THSD7A: variants seen among roughly 807,000 people sequenced by gnomAD.
The protein encoded by THSD7A is thrombospondin type-1 domain-containing protein 7A.
THSD7A carries 96 observed loss-of-function variants against 231.3 expected under a neutral mutation model. The ratio of observed to expected loss-of-function variants is 0.41; its 90% CI spans 0.35 to 0.49. The LOEUF is 0.49. Ranked by LOEUF, THSD7A falls within the 20% of genes least tolerant of loss-of-function variation. The probability of loss-of-function intolerance (pLI) is 0.05; values close to 1 mark genes in which losing one functional copy is unlikely to be tolerated. For synonymous variants in THSD7A, 940 were observed against 743.3 expected (o/e 1.26, Z -4.30); for missense variants, 2,290 against 2,070.2 (o/e 1.11, Z -2.06).
At chr7:11,511,352 T>C (rs1787800845) in intron 6 of THSD7A, among the ~76,000 whole-genome samples, 1 of 152,230 alleles carries the variant, frequency 6.6e-6, no homozygotes, top group Non-Finnish European at 1.5e-5. Context: ...AAAATGGCCA[T>C]ATTGCCCAAA....
chr7:11,584,587 T>C (rs967520770), intron 4 of THSD7A, among the ~76,000 whole-genome samples: 1 of 152,120 alleles, frequency 6.6e-6, no homozygotes, highest in Non-Finnish European at 1.5e-5. Context: ...TAAAGTTAAG[T>C]AATGTGCCTA....
chr7:11,378,645 T>A (rs147865943), intron 26 of THSD7A: 6 of 184,324 alleles, frequency 3.3e-5, no homozygotes, highest in Non-Finnish European at 5.7e-5. Context: ...ACTGCATTAG[T>A]GATGTTTTTA....
At chr7:11,739,662 C>A (rs62433409) in intron 1 of THSD7A, among the ~76,000 whole-genome samples, 8,298 of 151,834 alleles carry the variant, frequency 0.055, 328 homozygotes, top group South Asian at 0.15. Flanking sequence ...AAGCAATCCT[C>A]TCACCCTGGC....
intron 9 of THSD7A, among the ~76,000 whole-genome samples, chr7:11,464,285 G>T (rs1336893029): frequency 6.6e-6 from 1 of 151,860 alleles, no homozygotes; most frequent in Non-Finnish European, 1.5e-5. Flanking sequence ...ATGGGTTTTT[G>T]TTTCCCAGTT....
At chr7:11,720,593 G>A (rs1438879944) in intron 1 of THSD7A, among the ~76,000 whole-genome samples, 2 of 151,728 alleles carry the variant, frequency 1.3e-5, no homozygotes, top group Non-Finnish European at 2.9e-5. Flanking sequence ...ATTCCTTGCA[G>A]TTTAACTCTT....
intron 4 of THSD7A, among the ~76,000 whole-genome samples, chr7:11,559,357 A>G (rs4368872): frequency 0.48 from 72,471 of 151,626 alleles, 17,697 homozygotes; most frequent in Admixed American, 0.6. Flanking sequence ...GTTATAAATA[A>G]TTGCAAGATA....
At chr7:11,534,498 C>T (rs995454810) in intron 6 of THSD7A, among the ~76,000 whole-genome samples, 2 of 152,126 alleles carry the variant, frequency 1.3e-5, no homozygotes, top group South Asian at 4.1e-4. Flanking sequence ...GCACCAATGC[C>T]AGATATGTGA....
intron 2 of THSD7A, among the ~76,000 whole-genome samples, chr7:11,602,739 C>G (rs1385597779): frequency 1.3e-5 from 2 of 151,530 alleles, no homozygotes; most frequent in Admixed American, 6.6e-5. Context: ...GGTGATAATG[C>G]CATTGAAACA....
Position 11,681,829 on chromosome 7 carries a change from GA to G in THSD7A, c.191-44869del, listed in dbSNP as rs1010378714. 8.1e-3 allele frequency among the ~76,000 whole-genome samples: 1,173 copies of G among 145,522 alleles called. 23 individuals carry two copies. Among genetic ancestry groups the G allele is most frequent in the African/African-American group, 0.028 (1,103 of 39,860 alleles). The stretch of plus-strand genomic sequence containing the variant: ...GTGAGCAGAATTTCCAATTTCAAAT[GA>G]AAAAAAAAACCTGAAAGGCAGCTAG... On this transcript the variant is annotated intron_variant, in intron 1 of 27. Coordinates refer to ENST00000423059, the MANE Select transcript of THSD7A (RefSeq NM_015204.3).
chr7:11,539,789 C>A (rs1021186480), intron 6 of THSD7A, among the ~76,000 whole-genome samples: 20 of 152,308 alleles, frequency 1.3e-4, no homozygotes, highest in African/African-American at 4.8e-4. Flanking sequence ...CATTGCATAA[C>A]ACTGAGGCAG....
At chr7:11,800,661 C>A (rs2128181234) in intron 1 of THSD7A, among the ~76,000 whole-genome samples, 1 of 152,248 alleles carries the variant, frequency 6.6e-6, no homozygotes, top group East Asian at 1.9e-4. Context: ...TCCATTTATA[C>A]AAGGTATCTA....
chr7:11,770,747 G>A (rs1209704060), intron 1 of THSD7A, among the ~76,000 whole-genome samples: 1 of 152,042 alleles, frequency 6.6e-6, no homozygotes, highest in East Asian at 1.9e-4. Context: ...TAATGCTAAA[G>A]TAAGGTCAAT....
In THSD7A at chr7:11,622,199, T is replaced by G. The variant is rs117104732; in HGVS notation, c.1022+13931A>C. ...ACCTAAAAATGGTGTTTATTTTAAT[T>G]TTCCAAATTGTACATACATCACATA... On this transcript the variant is annotated intron_variant, in intron 2 of 27. Transcript: ENST00000423059. 9.9e-3 allele frequency among the ~76,000 whole-genome samples: 1,510 copies of G among 152,232 alleles called. 14 individuals are homozygous for G. The highest frequency in any genetic ancestry group is 0.016 in the Non-Finnish European group (1,083 of 67,978).
At chr7:11,659,491 G>A (rs1371572587) in intron 1 of THSD7A, among the ~76,000 whole-genome samples, 1 of 151,014 alleles carries the variant, frequency 6.6e-6, no homozygotes, top group Non-Finnish European at 1.5e-5. Context: ...TTGTGTTTTG[G>A]CACAATTGCC....
intron 16 of THSD7A, among the ~76,000 whole-genome samples, chr7:11,419,543 T>A (rs1297794544): frequency 1.3e-5 from 2 of 152,118 alleles, no homozygotes; most frequent in Non-Finnish European, 2.9e-5. Flanking sequence ...AATTACCCCA[T>A]CTCAGGTAGT....
At position 11,780,997 on chromosome 7, in the gene THSD7A, C is replaced by CA. The variant is rs58931693; in HGVS notation, c.190+50759dup. Reference sequence around the variant, plus strand: ...TGGGCGACAGAGCGAGACTCCGTCTCAAAAAAAAAAAAAAAAAAAAAAAAA... The same window carrying CA: ...TGGGCGACAGAGCGAGACTCCGTCTCAAAAAAAAAAAAAAAAAAAAAAAAAA... On this transcript the variant is annotated intron_variant, in intron 1 of 27. Coordinates refer to ENST00000423059, the MANE Select transcript of THSD7A (RefSeq NM_015204.3). Among the ~76,000 whole-genome samples, 114 of 34,446 alleles carry CA rather than the reference C, an allele frequency of 3.3e-3. 26 individuals carry two copies. Among genetic ancestry groups the CA allele is most frequent in the Admixed American group, 0.011 (20 of 1,772 alleles). The allele number at this position is 34,446 out of a possible 152,430, so 22.6% of individuals were successfully genotyped here. A position where few individuals can be genotyped will look rare whatever the true frequency, so the allele number is the denominator to read the frequency against.
intron 4 of THSD7A, among the ~76,000 whole-genome samples, chr7:11,548,854 A>G (rs1789507093): frequency 6.6e-6 from 1 of 151,880 alleles, no homozygotes; most frequent in Non-Finnish European, 1.5e-5. Context: ...ATACCTAAAA[A>G]AAAAAGCCAT....
In THSD7A at chr7:11,406,160, A is replaced by T; in HGVS notation, c.4237+140T>A. On this transcript the variant is annotated intron_variant, in intron 22 of 27. Coordinates refer to ENST00000423059, the MANE Select transcript of THSD7A (RefSeq NM_015204.3). The surrounding 1 kb of genome is among the most constrained non-coding windows in gnomAD (Gnocchi z 4.7). The stretch of plus-strand genomic sequence containing the variant: ...ACAGCGTCCCGTTCCCCACAGGCAT[A>T]GTGTTGAGCTGTTGGCATAGATATT... 2 of 830,760 alleles carry T rather than the reference A, an allele frequency of 2.4e-6. No homozygotes were observed. The highest frequency in any genetic ancestry group is 3.6e-6 in the Non-Finnish European group (2 of 559,792). 51.5% of individuals were successfully genotyped at this position (830,760 alleles called of 1,614,324 possible). A position where few individuals can be genotyped will look rare whatever the true frequency, so the allele number is the denominator to read the frequency against.
chr7:11,589,404 G>A (rs1033865453), intron 4 of THSD7A, among the ~76,000 whole-genome samples: 2 of 152,046 alleles, frequency 1.3e-5, no homozygotes, highest in African/African-American at 2.4e-5. Flanking sequence ...TTGCACTCTT[G>A]CCATGCTTCC....
Sources: allele counts gnomAD v4.1 joint callset (sites outside exome capture counted in the v4.1 genomes callset), GRCh38; gene constraint gnomAD v4.1.1; non-coding constraint Gnocchi (gnomAD v3.1); transcripts MANE v1.5; gene names NCBI Gene and HGNC (gene_info 2026-07-23, HGNC 2026-07-21).